The following NEDD4 variants were observed in gnomAD, a reference collection of about 807,000 sequenced individuals.
NEDD4 encodes E3 ubiquitin-protein ligase NEDD4.
In NEDD4, 99 loss-of-function variants were observed where a neutral mutation model predicts 144.9. The observed-to-expected ratio is 0.68, with a 90% CI of 0.58 to 0.81. The LOEUF (loss-of-function observed/expected upper bound fraction) is 0.81. Ranked by LOEUF, NEDD4 falls within the 30% of genes least tolerant of loss-of-function variation. The pLI is 0.00. For missense variants in NEDD4, 985 were observed against 1,065.9 expected (o/e 0.92, Z 1.06); for synonymous variants, 318 against 350.6 (o/e 0.91, Z 1.04).
In NEDD4 at chr15:55,916,713, C is replaced by A. The variant is rs764424614; in HGVS notation, c.291+7933G>T. On this transcript the variant is annotated intron_variant, in intron 5 of 28. Transcript: ENST00000435532. ...TTGAACAACGTTAGACGTTGAAATC[C>A]GTGTTGGTCTTTTGAAGCACATGTG... is the stretch of plus-strand genomic sequence containing the variant. The A allele has an allele frequency of 5.6e-6, 9 of 1,614,016 alleles. No individual in the cohort carries two copies. The South Asian group carries it at 8.8e-5, about 16-fold the overall frequency.
chr15:55,876,710 A>C (rs1172695475), intron 5 of NEDD4, among the ~76,000 whole-genome samples: 3 of 152,212 alleles, frequency 2.0e-5, no homozygotes, highest in Non-Finnish European at 1.5e-5. Context: ...AGCTAAATCC[A>C]GCCATATAAA....
Position 55,871,563 on chromosome 15 carries a change from T to G in NEDD4, c.404+852A>C, listed in dbSNP as rs575622245. 3.5e-4 allele frequency among the ~76,000 whole-genome samples: 53 copies of G among 152,330 alleles called. No homozygotes were observed. In the South Asian group the frequency reaches 0.01, roughly 30 times the overall value. On this transcript the variant is annotated intron_variant, in intron 7 of 28. Coordinates refer to ENST00000435532, the MANE Select transcript of NEDD4 (RefSeq NM_006154.4). ...TAAAATTAAAAGACTAAAAGAGATTTACATTCCAGACATCTACAGAAATTA... is the reference window on the plus strand; with the variant it reads ...TAAAATTAAAAGACTAAAAGAGATTGACATTCCAGACATCTACAGAAATTA...
At chr15:55,905,157 T>G (rs2036048877) in intron 5 of NEDD4, 1 of 358,938 alleles carries the variant, frequency 2.8e-6, no homozygotes, top group Non-Finnish European at 5.5e-6. Flanking sequence ...AATTAAATTA[T>G]CATCAGCATG....
rs575841256 is a variant in NEDD4, at chr15:55,948,767, C to A, written c.237+2609G>T. Among the ~76,000 whole-genome samples, 12 of 152,296 alleles carry A rather than the reference C, an allele frequency of 7.9e-5. No individual in the cohort carries two copies. In the South Asian group the frequency reaches 2.5e-3, roughly 32 times the overall value. ...GCGAGCCATATGTAGAAAGCTGAAA[C>A]TAGATCCCTTCCTTACACCTTATAC... On this transcript the variant is annotated intron_variant, in intron 4 of 28. Coordinates refer to ENST00000435532, the MANE Select transcript of NEDD4 (RefSeq NM_006154.4).
At chr15:55,915,237 G>A (rs1350778873) in intron 5 of NEDD4, 1 of 1,469,734 alleles carries the variant, frequency 6.8e-7, no homozygotes, top group South Asian at 1.4e-5. Flanking sequence ...ATTTCATTAA[G>A]TTATTCTCAT....
At chr15:55,915,497 C>G in intron 5 of NEDD4, 1 of 1,613,594 alleles carries the variant, frequency 6.2e-7, no homozygotes. Flanking sequence ...TTTTGTTCAT[C>G]TGTGAATGTG....
In NEDD4 at chr15:55,827,858, A is replaced by G. The variant is rs2032764878; in HGVS notation, c.*2039T>C. On this transcript the variant is annotated 3_prime_UTR_variant, in exon 29 of 29. Coordinates refer to ENST00000435532, the MANE Select transcript of NEDD4 (RefSeq NM_006154.4). ...CTTGACACAATCTGACGGTCAGCAC[A>G]AAGCACCTTCTGATTGTATAACACT... The G allele has an allele frequency of 1.3e-5, 2 of 152,198 alleles. No homozygotes were observed. Among genetic ancestry groups the G allele is most frequent in the Non-Finnish European group, 2.9e-5 (2 of 68,026 alleles). The allele number at this position is 152,198 out of a possible 1,614,324, so 9.4% of individuals were successfully genotyped here.
chr15:55,938,915 G>A (rs1257106848), intron 4 of NEDD4, among the ~76,000 whole-genome samples: 3 of 152,032 alleles, frequency 2.0e-5, no homozygotes, highest in African/African-American at 7.2e-5. Flanking sequence ...AGACCAGCCT[G>A]GGCAAAACAG....
At chr15:55,946,821 T>G (rs539282979) in intron 4 of NEDD4, among the ~76,000 whole-genome samples, 1 of 152,298 alleles carries the variant, frequency 6.6e-6, no homozygotes, top group East Asian at 1.9e-4. Context: ...CAGACCACAG[T>G]GCAATCAAAC....
At chr15:55,962,409 T>C (rs529343103) in intron 2 of NEDD4, among the ~76,000 whole-genome samples, 1 of 152,336 alleles carries the variant, frequency 6.6e-6, no homozygotes, top group South Asian at 2.1e-4. Flanking sequence ...TACAGGTTTA[T>C]TGTTTGTTTT....
At chr15:55,834,307 A>T in intron 24 of NEDD4, 21 bp from the exon 25 acceptor site, 1 of 1,538,918 alleles carries the variant, frequency 6.5e-7, no homozygotes, top group South Asian at 1.1e-5. Flanking sequence ...GATGTATTTA[A>T]AAACTTGATG....
chr15:55,871,134 T>C (rs1314809905), intron 7 of NEDD4, among the ~76,000 whole-genome samples: 4 of 152,192 alleles, frequency 2.6e-5, no homozygotes, highest in Non-Finnish European at 4.4e-5. Context: ...ATCCTGATGC[T>C]TATTCCCAAG....
Position 55,940,518 on chromosome 15 carries a change from TTCTCTCTCTCTC to T in NEDD4, c.237+10846_237+10857del, listed in dbSNP as rs60338644. Among the ~76,000 whole-genome samples, 8 of 106,298 alleles carry T rather than the reference TTCTCTCTCTCTC, an allele frequency of 7.5e-5. No homozygotes were observed. The East Asian group carries it at 2.1e-3, about 28-fold the overall frequency. 69.7% of individuals were successfully genotyped at this position (106,298 alleles called of 152,430 possible). A position where few individuals can be genotyped will look rare whatever the true frequency, so the allele number is the denominator to read the frequency against. ...CTCCTTCCTCCTTCCCTCCTCCCCC[TTCTCTCTCTCTC>T]TCTCTCTCTCTCTCTGCCTCTCTGC... On this transcript the variant is annotated intron_variant, in intron 4 of 28. Transcript: ENST00000435532.
chr15:55,950,924 C>A (rs561111546), intron 4 of NEDD4, among the ~76,000 whole-genome samples: 1 of 152,260 alleles, frequency 6.6e-6, no homozygotes, highest in East Asian at 1.9e-4. Flanking sequence ...GAGGGCCTTG[C>A]TGAGGAATTG....
At position 55,933,182 on chromosome 15, in the gene NEDD4, A is replaced by G. The variant is rs891235808; in HGVS notation, c.238-8483T>C. 4.6e-5 allele frequency among the ~76,000 whole-genome samples: 7 copies of G among 152,112 alleles called. No homozygotes were observed. The East Asian group carries it at 1.3e-3, about 29-fold the overall frequency. ...TGACCCAGCCATCCCATTACTGGGT[A>G]TATACCCAAAGGATTATAAATCATG... On this transcript the variant is annotated intron_variant, in intron 4 of 28. Transcript: ENST00000435532.
In NEDD4 at chr15:55,846,953, T is replaced by C. The variant is rs1230189029; in HGVS notation, c.1608+16A>G. On this transcript the variant is annotated intron_variant, in intron 18 of 28. Transcript: ENST00000435532. ...ATATTGATGACTCTTAAGTATTTAT[T>C]ATAAACATGACTAACCTGCTTCTTC... The C allele has an allele frequency of 7.9e-6, 12 of 1,515,700 alleles. No homozygotes were observed. The highest frequency in any genetic ancestry group is 1.1e-5 in the Non-Finnish European group (12 of 1,094,506). The allele number at this position is 1,515,700 out of a possible 1,614,324, so 93.9% of individuals were successfully genotyped here.
At chr15:55,919,018 C>T (rs1198890889) in intron 5 of NEDD4, among the ~76,000 whole-genome samples, 1 of 152,142 alleles carries the variant, frequency 6.6e-6, no homozygotes, top group Non-Finnish European at 1.5e-5. Flanking sequence ...AAAAGCTCCT[C>T]TCATTATTAA....
At chr15:55,890,965 T>C (rs554884312) in intron 5 of NEDD4, among the ~76,000 whole-genome samples, 4 of 152,266 alleles carry the variant, frequency 2.6e-5, no homozygotes, top group African/African-American at 9.6e-5. Flanking sequence ...ACAGCTTTCA[T>C]CTCCATTGGA....
chr15:55,916,648 T>C (rs779528586), intron 5 of NEDD4: 11 of 1,613,898 alleles, frequency 6.8e-6, no homozygotes, highest in Non-Finnish European at 8.5e-6. Flanking sequence ...TTTTCCTTTA[T>C]TAACGGAGCT....
Sources: allele counts gnomAD v4.1 joint callset (sites outside exome capture counted in the v4.1 genomes callset), GRCh38; gene constraint gnomAD v4.1.1; transcripts MANE v1.5; gene names NCBI Gene and HGNC (gene_info 2026-07-23, HGNC 2026-07-21).